The following ANKS4B variants were observed in gnomAD, a reference collection of about 807,000 sequenced individuals.
ANKS4B encodes ankyrin repeat and SAM domain-containing protein 4B.
ANKS4B carries 21 observed loss-of-function variants against 20.2 expected under a neutral mutation model. That is an observed-to-expected ratio of 1.04 (90% CI 0.74 to 1.50). ANKS4B has a LOEUF of 1.50. Among genes scored for constraint, ANKS4B ranks in the 40% most tolerant of loss-of-function variants. The pLI is 0.00. For missense variants in ANKS4B, 473 were observed against 494.6 expected, an observed-to-expected ratio of 0.96 and a Z score of 0.41; for synonymous variants, 179 against 194.5, an observed-to-expected ratio of 0.92 and a Z score of 0.66.
At position 21,252,570 on chromosome 16, in the gene ANKS4B, A is replaced by C. The variant is rs566101243; in HGVS notation, c.*1750A>C. 1 of 152,372 alleles carries C rather than the reference A, an allele frequency of 6.6e-6. No homozygotes were observed. The highest frequency in any genetic ancestry group is 6.5e-5 in the Admixed American group (1 of 15,300). 9.4% of individuals were successfully genotyped at this position (152,372 alleles called of 1,614,324 possible). A position where few individuals can be genotyped will look rare whatever the true frequency, so the allele number is the denominator to read the frequency against. ...CCAACTGCAATTGATGAGTTTTGTAAGGGTAAACACCTAGTGAAACTTAAG... is the reference window on the plus strand; with the variant it reads ...CCAACTGCAATTGATGAGTTTTGTACGGGTAAACACCTAGTGAAACTTAAG... On this transcript the variant is annotated 3_prime_UTR_variant, in exon 2 of 2. Coordinates refer to ENST00000311620, the MANE Select transcript of ANKS4B (RefSeq NM_145865.3).
At chr16:21,236,089 C>T (rs945286664) in intron 1 of ANKS4B, among the ~76,000 whole-genome samples, 5 of 152,206 alleles carry the variant, frequency 3.3e-5, no homozygotes, top group Middle Eastern at 6.8e-3. Flanking sequence ...CATAGTTCTA[C>T]GGGCTGTACA....
chr16:21,248,635 C>A (rs2093335179), intron 1 of ANKS4B, among the ~76,000 whole-genome samples: 1 of 151,962 alleles, frequency 6.6e-6, no homozygotes, highest in African/African-American at 2.4e-5. Flanking sequence ...GAGGCTGAGG[C>A]AGGAGAATCG....
In ANKS4B at chr16:21,252,692, G is replaced by A. The variant is rs2093341007; in HGVS notation, c.*1872G>A. 6.6e-6 allele frequency: 1 copy of A among 152,184 alleles called. No homozygotes were observed. Among genetic ancestry groups the A allele is most frequent in the Non-Finnish European group, 1.5e-5 (1 of 68,036 alleles). The allele number at this position is 152,184 out of a possible 1,614,324, so 9.4% of individuals were successfully genotyped here. On this transcript the variant is annotated 3_prime_UTR_variant, in exon 2 of 2. Transcript: ENST00000311620. ...ATGTACACATGGTTTATTTACTGTT[G>A]TCTGTCACCATTGCCGCATATCTGA...
chr16:21,250,900 A>G lies in ANKS4B; in HGVS notation c.*80A>G. 1.3e-6 allele frequency: 2 copies of G among 1,496,690 alleles called. No individual in the cohort carries two copies. Among genetic ancestry groups the G allele is most frequent in the Non-Finnish European group, 1.8e-6 (2 of 1,118,464 alleles). The allele number at this position is 1,496,690 out of a possible 1,614,324, so 92.7% of individuals were successfully genotyped here. ...CCAGGCGGCACCCCCTCTTTACCCAATGCCAGACCACTGGGAATGGATTCT... is the reference window on the plus strand; with the variant it reads ...CCAGGCGGCACCCCCTCTTTACCCAGTGCCAGACCACTGGGAATGGATTCT... On this transcript the variant is annotated 3_prime_UTR_variant, in exon 2 of 2. Transcript: ENST00000311620.
rs966992280 is a variant in ANKS4B at position 21,250,772 on chromosome 16, G to A, written c.1206G>A (p.Arg402=). 4 of 1,603,120 alleles carry A rather than the reference G, an allele frequency of 2.5e-6. No homozygotes were observed. The African/African-American group carries it at 4.0e-5, about 16-fold the overall frequency. Residue 402 remains arginine (R), a synonymous_variant, in exon 2 of 2, where the codon AGG becomes AGA. Coordinates refer to ENST00000311620, the MANE Select transcript of ANKS4B (RefSeq NM_145865.3). ...RKKVLNAINR[R]KQVLQQPGQL... ...AAGTTCTGAATGCTATCAACAGGAG[G>A]AAGCAGGTGCTTCAACAGCCTGGGC...
chr16:21,240,434 G>A (rs939564547), intron 1 of ANKS4B, among the ~76,000 whole-genome samples: 10 of 151,930 alleles, frequency 6.6e-5, no homozygotes, highest in Non-Finnish European at 1.3e-4. Flanking sequence ...GACTACAGGT[G>A]CCTGCCACCA....
chr16:21,249,486 C>G (rs933477423), intron 1 of ANKS4B, among the ~76,000 whole-genome samples: 7 of 152,108 alleles, frequency 4.6e-5, no homozygotes, highest in African/African-American at 1.7e-4. Flanking sequence ...CAAAACAAAA[C>G]AAAGGAAACA....
Position 21,233,780 on chromosome 16 carries a change from G to C in ANKS4B, c.43G>C (p.Glu15Gln), listed in dbSNP as rs143428829. 10,861 of 1,613,942 alleles carry C rather than the reference G, an allele frequency of 6.7e-3. 64 individuals carry two copies. Among genetic ancestry groups the C allele is most frequent in the Non-Finnish European group, 8.0e-3 (9,403 of 1,179,936 alleles). ...YHQAASDSYL[E>Q]LLKEATKRDL... ...CCAAGCTGCTAGTGATAGTTACCTG[G>C]AACTTCTAAAAGAGGCTACCAAGCG... Residue 15 changes from glutamate (E) to glutamine (Q), a missense_variant, in exon 1 of 2, where the codon GAA becomes CAA. By Grantham distance (29) the Glu-to-Gln change is conservative. Coordinates refer to ENST00000311620, the MANE Select transcript of ANKS4B (RefSeq NM_145865.3).
intron 1 of ANKS4B, among the ~76,000 whole-genome samples, chr16:21,242,668 T>C (rs778569478): frequency 6.6e-6 from 1 of 152,236 alleles, no homozygotes; most frequent in Non-Finnish European, 1.5e-5. Flanking sequence ...ATGTTTTCTT[T>C]ATCCATTCTT....
At chr16:21,239,774 T>TG (rs1003650692) in intron 1 of ANKS4B, among the ~76,000 whole-genome samples, 17 of 152,312 alleles carry the variant, frequency 1.1e-4, no homozygotes, top group Admixed American at 9.8e-4. Flanking sequence ...TGGGTGGAGA[T>TG]GGAGGCCATT....
At chr16:21,243,542 T>C (rs149398208) in intron 1 of ANKS4B, among the ~76,000 whole-genome samples, 2 of 152,322 alleles carry the variant, frequency 1.3e-5, no homozygotes, top group African/African-American at 4.8e-5. Flanking sequence ...GAAATGTGTC[T>C]GTAAGTAGAA....
Position 21,250,440 on chromosome 16 carries a change from A to G in ANKS4B, c.874A>G (p.Arg292Gly), listed in dbSNP as rs1365453560. 15 of 1,614,180 alleles carry G rather than the reference A, an allele frequency of 9.3e-6. No homozygotes were observed. The highest frequency in any genetic ancestry group is 1.3e-5 in the African/African-American group (1 of 75,054). The change falls in exon 2 of 2, where the codon AGA (arginine) becomes GGA (glycine). Residue 292 changes from arginine (R) to glycine (G), a missense_variant. Arg to Gly is a moderately radical substitution (Grantham distance 125). Transcript: ENST00000311620. ...SSPEDISDSKREFGFKLPSEL... is the reference protein window; with the variant it reads ...SSPEDISDSKGEFGFKLPSEL... ...TCCTGAAGACATCTCAGATAGCAAG[A>G]GAGAGTTTGGTTTTAAACTGCCCAG...
intron 1 of ANKS4B, among the ~76,000 whole-genome samples, chr16:21,240,769 TA>T (rs2093325547): frequency 6.6e-6 from 1 of 151,986 alleles, no homozygotes; most frequent in African/African-American, 2.4e-5. Context: ...GCCACTATTT[TA>T]TTTTTTTTTT....
chr16:21,233,978 C>A, intron 1 of ANKS4B, 77 bp downstream of exon 1: 2 of 1,347,754 alleles, frequency 1.5e-6, no homozygotes, highest in Non-Finnish European at 2.0e-6. Context: ...GAGGCAGGGA[C>A]GTCAATACAA....
intron 1 of ANKS4B, among the ~76,000 whole-genome samples, chr16:21,245,440 G>A (rs981217010): frequency 8.6e-5 from 13 of 151,998 alleles, no homozygotes; most frequent in African/African-American, 3.1e-4. Context: ...ATAAATATTT[G>A]TCAGATTAAA....
intron 1 of ANKS4B, among the ~76,000 whole-genome samples, chr16:21,238,712 GT>G (rs1275191481): frequency 2.0e-5 from 3 of 151,872 alleles, no homozygotes; most frequent in Non-Finnish European, 4.4e-5. Context: ...TCTCCACTAA[GT>G]TGACATGGTA....
At position 21,233,784 on chromosome 16, in the gene ANKS4B, T is replaced by A; in HGVS notation, c.47T>A (p.Leu16His). The stretch of plus-strand genomic sequence containing the variant: ...GCTGCTAGTGATAGTTACCTGGAAC[T>A]TCTAAAAGAGGCTACCAAGCGAGAT... ...HQAASDSYLE[L>H]LKEATKRDLN... Residue 16 changes from leucine (L) to histidine (H), a missense_variant, in exon 1 of 2, where the codon CTT becomes CAT. Coordinates refer to ENST00000311620, the MANE Select transcript of ANKS4B (RefSeq NM_145865.3). 1 of 1,614,080 alleles carries A rather than the reference T, an allele frequency of 6.2e-7. No homozygotes were observed. The highest frequency in any genetic ancestry group is 1.1e-5 in the South Asian group (1 of 91,044).
chr16:21,249,730 G>T lies in ANKS4B; in HGVS notation c.165-1G>T. On this transcript the variant is annotated splice_acceptor_variant, in intron 1 of 1. Transcript: ENST00000311620. LOFTEE classifies it high-confidence loss of function. ...ATTTTTTTTCTCTCTCTCTCTTCTA[G>T]AGGGGACCCTGATAGGTGTGACATC... 6.2e-7 allele frequency: 1 copy of T among 1,604,570 alleles called. No homozygotes were observed. Among genetic ancestry groups the T allele is most frequent in the East Asian group, 2.2e-5 (1 of 44,594 alleles).
Position 21,250,142 on chromosome 16 carries a change from C to A in ANKS4B, c.576C>A (p.Gly192=). The change falls in exon 2 of 2, where the codon GGC becomes GGA. Residue 192 remains glycine, a synonymous_variant. Transcript: ENST00000311620. ...RSSPSNASAP[G]TFGSLSKGIK... ...CCCCTTCAAATGCTTCTGCTCCTGG[C>A]ACATTCGGGTCACTATCTAAGGGCA... 1.2e-6 allele frequency: 2 copies of A among 1,614,134 alleles called. No homozygotes were observed. The highest frequency in any genetic ancestry group is 2.2e-5 in the East Asian group (1 of 44,884).
Sources: gnomAD v4.1 joint callset for allele counts (sites outside exome capture counted in the v4.1 genomes callset) on GRCh38, gnomAD v4.1.1 for gene constraint, MANE v1.5 for transcripts, NCBI Gene and HGNC (gene_info 2026-07-23, HGNC 2026-07-21) for gene names.